Variants in PLCH2 observed in about 807,000 individuals in gnomAD.
The protein encoded by PLCH2 is phospholipase C eta 2, also known as 1-phosphatidylinositol 4,5-bisphosphate phosphodiesterase eta-2.
A neutral mutation model predicts 134.7 loss-of-function variants in PLCH2; 98 were observed. That is an observed-to-expected ratio of 0.73 (90% CI 0.62 to 0.86). The LOEUF (loss-of-function observed/expected upper bound fraction) is 0.86, where lower values mean the gene tolerates loss of function less well. PLCH2 is among the 40% of genes least tolerant of loss of function. The pLI is 0.00. For missense variants in PLCH2, 1,994 were observed against 1,986.6 expected (o/e 1.00, Z -0.07); for synonymous variants, 974 against 827.5 (o/e 1.18, Z -3.04).
intron 20 of PLCH2, 111 bp from the exon 21 acceptor site, chr1:2,502,001 C>A: frequency 9.7e-7 from 1 of 1,026,058 alleles, no homozygotes; most frequent in Non-Finnish European, 1.3e-6. Context: ...CCCCTCGGAC[C>A]GAGACACGCA....
At position 2,478,574 on chromosome 1, in the gene PLCH2, C is replaced by A. The variant is rs371650535; in HGVS notation, c.223C>A (p.Arg75Ser). 44 of 1,612,186 alleles carry A rather than the reference C, an allele frequency of 2.7e-5. No individual in the cohort carries two copies. The highest frequency in any genetic ancestry group is 3.6e-5 in the Non-Finnish European group (43 of 1,179,638). The change falls in exon 2 of 22, where the codon CGC becomes AGC. Residue 75 changes from arginine to serine, a missense_variant. Coordinates refer to ENST00000378486, the MANE Select transcript of PLCH2 (RefSeq NM_014638.4). Reference sequence around the variant, plus strand: ...CCGCTTCTACTACCTGGACGAGCACCGCTCCTGCATCCGCTGGAGGCCCTC... The same window carrying A: ...CCGCTTCTACTACCTGGACGAGCACAGCTCCTGCATCCGCTGGAGGCCCTC... ...LVRFYYLDEH[R>S]SCIRWRPSRK...
intron 1 of PLCH2, among the ~76,000 whole-genome samples, chr1:2,477,532 G>C (rs1641700675): frequency 6.6e-6 from 1 of 152,186 alleles, no homozygotes; most frequent in African/African-American, 2.4e-5. Context: ...TGGTACCTCT[G>C]GGACCCGGGC....
intron 4 of PLCH2, among the ~76,000 whole-genome samples, chr1:2,483,366 C>T (rs1642079214): frequency 6.6e-6 from 1 of 152,170 alleles, no homozygotes; most frequent in African/African-American, 2.4e-5. Context: ...TCACTGGGAG[C>T]GTAGGACCCC....
upstream of PLCH2, among the ~76,000 whole-genome samples, chr1:2,473,721 C>T (rs978726137): frequency 2.0e-5 from 3 of 152,218 alleles, no homozygotes; most frequent in Non-Finnish European, 4.4e-5. Flanking sequence ...AGGGATGTCC[C>T]GGGGTCAGGC....
Position 2,498,362 on chromosome 1 carries a change from C to A in PLCH2, c.2225-161C>A. ...GTGATCCATACTGGGCCAGGTGCAC[C>A]CCGAGGTGCCCCCCTGGACCACTGC... On this transcript the variant is annotated intron_variant, in intron 16 of 21. Coordinates refer to ENST00000378486, the MANE Select transcript of PLCH2 (RefSeq NM_014638.4). This position sits in a 1 kb window ranked among gnomAD's most constrained non-coding sequence, Gnocchi z 5.4. 1.4e-6 allele frequency: 1 copy of A among 714,178 alleles called. No individual in the cohort carries two copies. Among genetic ancestry groups the A allele is most frequent in the Non-Finnish European group, 2.3e-6 (1 of 437,944 alleles). 44.2% of individuals were successfully genotyped at this position (714,178 alleles called of 1,614,324 possible).
chr1:2,442,463 A>C (rs1395444410), intron 2 of PLCH2, among the ~76,000 whole-genome samples: 1 of 152,136 alleles, frequency 6.6e-6, no homozygotes, highest in Admixed American at 6.5e-5. Context: ...CCTGGCTCCC[A>C]GCTTGGTGCC....
intron 1 of PLCH2, among the ~76,000 whole-genome samples, chr1:2,476,997 A>G (rs1001615922): frequency 2.0e-5 from 3 of 152,098 alleles, no homozygotes; most frequent in Non-Finnish European, 4.4e-5. Context: ...GGTGGCTCCA[A>G]TGCTCTCATT....
At chr1:2,502,038 A>C in intron 20 of PLCH2, 74 bp from the exon 21 acceptor site, 1 of 1,313,758 alleles carries the variant, frequency 7.6e-7, no homozygotes, top group Non-Finnish European at 1.0e-6. Context: ...CGGTCTGGAG[A>C]GCTGGCCCTG....
chr1:2,483,694 C>T (rs1015415025), intron 4 of PLCH2, among the ~76,000 whole-genome samples: 2 of 152,010 alleles, frequency 1.3e-5, no homozygotes, highest in Non-Finnish European at 2.9e-5. Flanking sequence ...ATTCCCATGG[C>T]CCCTGTAGCA....
upstream of PLCH2, among the ~76,000 whole-genome samples, chr1:2,463,939 G>A (rs1429553639): frequency 6.6e-6 from 1 of 152,258 alleles, no homozygotes; most frequent in South Asian, 2.1e-4. Flanking sequence ...GTGAACTGGG[G>A]TCTCCTGAGC....
rs1475117864 is a variant in PLCH2 at position 2,496,665 on chromosome 1, T to TAC, written c.1897_1898dup (p.Lys634ProfsTer9). Reference sequence around the variant, plus strand: ...CCGGGCCCTCTCTGACCTGGTGAAGTACACCAAGTCCGTGGCCACCCACGA... The same window carrying TAC: ...CCGGGCCCTCTCTGACCTGGTGAAGTACACACCAAGTCCGTGGCCACCCACGA... On this transcript the variant is annotated frameshift_variant, in exon 14 of 22. Coordinates refer to ENST00000378486, the MANE Select transcript of PLCH2 (RefSeq NM_014638.4). LOFTEE classifies it high-confidence loss of function. 6.2e-7 allele frequency: 1 copy of TAC among 1,612,144 alleles called. No individual in the cohort carries two copies. Among genetic ancestry groups the TAC allele is most frequent in the Admixed American group, 1.7e-5 (1 of 59,922 alleles).
At chr1:2,491,160 G>T (rs753003873) in intron 10 of PLCH2, 32 bp from the exon 11 acceptor site, 2 of 1,601,038 alleles carry the variant, frequency 1.2e-6, no homozygotes, top group Non-Finnish European at 1.7e-6. Context: ...GCTCGGGACA[G>T]ATGCCAACAG....
chr1:2,504,837 CA>C lies in PLCH2; in HGVS notation c.3876del (p.Val1294Ter), dbSNP rs1466855689. ...GGAGGGACACGGCGGGTGTCGGGGC[CA>C]GGGGTGAGACGGGACACCCTGACAG... ...LPGGTRRVSG[P>X]GVRRDTLTEQ... On this transcript the variant is annotated frameshift_variant, in exon 22 of 22. Coordinates refer to ENST00000378486, the MANE Select transcript of PLCH2 (RefSeq NM_014638.4). LOFTEE classifies it high-confidence loss of function. 3 of 1,607,256 alleles carry C rather than the reference CA, an allele frequency of 1.9e-6. No homozygotes were observed. Among genetic ancestry groups the C allele is most frequent in the South Asian group, 1.1e-5 (1 of 90,644 alleles).
chr1:2,428,229 C>T (rs770293485), intron 1 of PLCH2, among the ~76,000 whole-genome samples: 12 of 152,346 alleles, frequency 7.9e-5, no homozygotes, highest in East Asian at 1.9e-4. Flanking sequence ...CGGCAATGTC[C>T]CCTTCTTAGG....
At position 2,448,420 on chromosome 1, in the gene PLCH2, G is replaced by A. The variant is rs888656772; in HGVS notation, c.115+17791G>A. Among the ~76,000 whole-genome samples, 2 of 152,108 alleles carry A rather than the reference G, an allele frequency of 1.3e-5. No homozygotes were observed. The highest frequency in any genetic ancestry group is 2.9e-5 in the Non-Finnish European group (2 of 68,016). ...CTCCTGCTTCTGCCTGTCTTCCCTC[G>A]CCCTTCTCTCCGTCTTCTCTTGCGC... On this transcript the variant is annotated intron_variant, in intron 2 of 3. Transcript: ENST00000609981. This position sits in a 1 kb window ranked among gnomAD's most constrained non-coding sequence, Gnocchi z 4.0.
chr1:2,496,757 C>G (rs1047084905), intron 14 of PLCH2, 53 bp downstream of exon 14: 1 of 1,610,198 alleles, frequency 6.2e-7, no homozygotes, highest in African/African-American at 1.3e-5. Context: ...TGTCCCCCAT[C>G]CCTGCTATGC....
At chr1:2,478,988 C>T in intron 2 of PLCH2, 1 of 253,512 alleles carries the variant, frequency 3.9e-6, no homozygotes, top group South Asian at 9.3e-5. Context: ...GGTATGGGTG[C>T]AAACAGTGGC....
chr1:2,484,609 G>A lies in PLCH2; in HGVS notation c.807G>A (p.Val269=), dbSNP rs1288077017. 1.1e-5 allele frequency: 18 copies of A among 1,611,604 alleles called. No homozygotes were observed. The highest frequency in any genetic ancestry group is 1.4e-5 in the Non-Finnish European group (17 of 1,179,748). Residue 269 remains valine, a synonymous_variant, in exon 5 of 22, where the codon GTG becomes GTA. Coordinates refer to ENST00000378486, the MANE Select transcript of PLCH2 (RefSeq NM_014638.4). Reference sequence around the variant, plus strand: ...CCAGCCTGCAGCGCTTCCTGCAGGTGGAGCAGAAGGTGTGCTGCCCGGGGC... The same window carrying A: ...CCAGCCTGCAGCGCTTCCTGCAGGTAGAGCAGAAGGTGTGCTGCCCGGGGC... ...DAASLQRFLQ[V]EQKMAGVTLE... is the part of the protein sequence containing the mutation.
At chr1:2,503,437 C>T (rs909664434) in intron 21 of PLCH2, 8 of 600,894 alleles carry the variant, frequency 1.3e-5, no homozygotes, top group East Asian at 5.6e-5. Context: ...CTGAGTGCTG[C>T]GTGGAGTAGA....
Sources: gnomAD v4.1 joint callset for allele counts (sites outside exome capture counted in the v4.1 genomes callset) on GRCh38, gnomAD v4.1.1 for gene constraint, Gnocchi (gnomAD v3.1) non-coding constraint, MANE v1.5 for transcripts, NCBI Gene and HGNC (gene_info 2026-07-23, HGNC 2026-07-21) for gene names.